The following LRPPRC variants were observed in gnomAD, a reference collection of about 807,000 sequenced individuals.
LRPPRC encodes the protein leucine-rich PPR motif-containing protein, mitochondrial.
In LRPPRC, 120 loss-of-function variants were observed where a neutral mutation model predicts 180.3. The observed-to-expected ratio is 0.67, with a 90% CI of 0.57 to 0.77. The LOEUF is 0.77. Ranked by LOEUF, LRPPRC falls within the 30% of genes least tolerant of loss-of-function variation. The pLI is 0.00. For missense variants in LRPPRC, 2,012 were observed against 1,657.2 expected (o/e 1.21, Z -3.72); for synonymous variants, 723 against 600.0 (o/e 1.21, Z -3.00).
At chr2:43,889,316 A>G (rs1223121981) in intron 37 of LRPPRC, among the ~76,000 whole-genome samples, 3 of 118,988 alleles carry the variant, frequency 2.5e-5, no homozygotes, top group Non-Finnish European at 5.8e-5. Flanking sequence ...CTCCATCTCA[A>G]AAAAAAAAAA....
chr2:43,941,289 T>C (rs1672471671), intron 23 of LRPPRC, among the ~76,000 whole-genome samples: 1 of 152,220 alleles, frequency 6.6e-6, no homozygotes, highest in African/African-American at 2.4e-5. Flanking sequence ...AGGAACTCAG[T>C]CTCATGGAAC....
intron 1 of LRPPRC, among the ~76,000 whole-genome samples, chr2:43,982,853 T>C (rs545688516): frequency 6.6e-6 from 1 of 152,066 alleles, no homozygotes; most frequent in Non-Finnish European, 1.5e-5. Flanking sequence ...AAAATTTTTA[T>C]AACTACCTTT....
chr2:43,973,585 T>C (rs769684455), intron 11 of LRPPRC, 22 bp downstream of exon 11: 4 of 1,517,652 alleles, frequency 2.6e-6, no homozygotes, highest in African/African-American at 1.4e-5. Context: ...CCATTACAAA[T>C]CGGTAAAAGG....
At chr2:43,959,631 G>A (rs1447880860) in intron 13 of LRPPRC, among the ~76,000 whole-genome samples, 4 of 152,268 alleles carry the variant, frequency 2.6e-5, no homozygotes, top group East Asian at 1.9e-4. Flanking sequence ...CAGGCCAGGC[G>A]CAGTGGCTCA....
chr2:43,923,177 T>TAAAA lies in LRPPRC; in HGVS notation c.2896+1886_2896+1889dup, dbSNP rs9309110. Among the ~76,000 whole-genome samples the TAAAA allele has an allele frequency of 4.9e-3, 638 of 130,542 alleles. 6 individuals are homozygous for TAAAA. Among genetic ancestry groups the TAAAA allele is most frequent in the African/African-American group, 0.018 (620 of 34,696 alleles). 85.6% of individuals were successfully genotyped at this position (130,542 alleles called of 152,430 possible). ...AATGTTGTATATTTTTTTGTTTCTT[T>TAAAA]AAAAAAAAAAAAAAAAAAAGGCCAG... On this transcript the variant is annotated intron_variant, in intron 27 of 37. Transcript: ENST00000260665.
Position 43,974,308 on chromosome 2 carries a change from C to CA in LRPPRC, c.1010-14dup. 6.3e-7 allele frequency: 1 copy of CA among 1,596,804 alleles called. No individual in the cohort carries two copies. Among genetic ancestry groups the CA allele is most frequent in the South Asian group, 1.1e-5 (1 of 90,674 alleles). The stretch of plus-strand genomic sequence containing the variant: ...AGGTTCATTGCATCTGGGAAGAAAA[C>CA]AAAGACATCTTTTGTTAATAAACTG... On this transcript the variant is annotated splice_polypyrimidine_tract_variant and intron_variant, in intron 8 of 37. Coordinates refer to ENST00000260665, the MANE Select transcript of LRPPRC (RefSeq NM_133259.4).
chr2:43,957,335 G>A (rs771884246), intron 14 of LRPPRC, 50 bp downstream of exon 14: 15 of 1,221,462 alleles, frequency 1.2e-5, no homozygotes, highest in Admixed American at 6.7e-5. Context: ...AAAAGGACAG[G>A]AGAAATCAGT....
At chr2:43,995,746 C>T (rs1420117258) in intron 1 of LRPPRC, 53 bp downstream of exon 1, 1 of 1,344,626 alleles carries the variant, frequency 7.4e-7, no homozygotes, top group Non-Finnish European at 9.5e-7. Context: ...CACCCACGAC[C>T]CCGGGGGACC....
At chr2:43,960,762 A>T (rs2103662274) in intron 12 of LRPPRC, 128 bp from the exon 13 acceptor site, 1 of 694,812 alleles carries the variant, frequency 1.4e-6, no homozygotes, top group African/African-American at 1.8e-5. Flanking sequence ...AGATAAGCTC[A>T]GTAATTGAAT....
Position 43,886,337 on chromosome 2 carries a change from ATC to A in LRPPRC, c.*2261_*2262del, listed in dbSNP as rs1670270368. Among the ~76,000 whole-genome samples the A allele has an allele frequency of 6.6e-6, 1 of 152,210 alleles. No individual in the cohort carries two copies. Among genetic ancestry groups the A allele is most frequent in the African/African-American group, 2.4e-5 (1 of 41,446 alleles). ...ATAGTTCTCAATAGTTTACAGTGAC[ATC>A]TTTTTTAGAATTAGCTGCTTATAAT... On this transcript the variant is annotated 3_prime_UTR_variant, in exon 38 of 38. Transcript: ENST00000260665.
chr2:43,900,255 G>A (rs1408529848), intron 32 of LRPPRC, among the ~76,000 whole-genome samples: 3 of 151,742 alleles, frequency 2.0e-5, no homozygotes, highest in Non-Finnish European at 4.4e-5. Flanking sequence ...AGCAAGTTAT[G>A]GTAAAAATTA....
At chr2:43,966,805 CT>C in intron 11 of LRPPRC, among the ~76,000 whole-genome samples, 1 of 151,360 alleles carries the variant, frequency 6.6e-6, no homozygotes, top group South Asian at 2.1e-4. Context: ...AATCCCAGCA[CT>C]TTGGGAGGCC....
chr2:43,913,386 C>T (rs1216116473), intron 29 of LRPPRC, among the ~76,000 whole-genome samples: 1 of 152,106 alleles, frequency 6.6e-6, no homozygotes, highest in Non-Finnish European at 1.5e-5. Context: ...TCACGTACGG[C>T]CTTCTACGAA....
chr2:43,996,165 T>C (rs1365340966), upstream of LRPPRC, among the ~76,000 whole-genome samples: 1 of 152,216 alleles, frequency 6.6e-6, no homozygotes, highest in East Asian at 1.9e-4. Flanking sequence ...TGATTCATTA[T>C]CGAAGCTTTT....
At chr2:43,930,812 G>C (rs1326154533) in intron 25 of LRPPRC, among the ~76,000 whole-genome samples, 1 of 152,042 alleles carries the variant, frequency 6.6e-6, no homozygotes, top group African/African-American at 2.4e-5. Flanking sequence ...TAAAACTCAG[G>C]GTTCGTGAGT....
At chr2:43,901,136 A>AT (rs1670867990) in intron 32 of LRPPRC, among the ~76,000 whole-genome samples, 184 bp downstream of exon 32, 1 of 152,218 alleles carries the variant, frequency 6.6e-6, no homozygotes, top group South Asian at 2.1e-4. Flanking sequence ...TTATTCTAAG[A>AT]TTTAAGGTAA....
At chr2:43,994,106 A>T (rs1360876827) in intron 1 of LRPPRC, among the ~76,000 whole-genome samples, 1 of 152,182 alleles carries the variant, frequency 6.6e-6, no homozygotes, top group Non-Finnish European at 1.5e-5. Flanking sequence ...CTGGCCTCAC[A>T]GAAATGCTGA....
chr2:43,935,888 G>A lies in LRPPRC; in HGVS notation c.2505-1010C>T, dbSNP rs951890540. On this transcript the variant is annotated intron_variant, in intron 23 of 37. Coordinates refer to ENST00000260665, the MANE Select transcript of LRPPRC (RefSeq NM_133259.4). ...AGCACTTTGGGAGGCCAAGGAGGGC[G>A]GATCACCTGAGGTGGAGAAACCCCA... Among the ~76,000 whole-genome samples, 7 of 151,886 alleles carry A rather than the reference G, an allele frequency of 4.6e-5. No homozygotes were observed. In the South Asian group the frequency reaches 8.3e-4, roughly 18 times the overall value.
chr2:43,892,101 C>G (rs183023016), intron 36 of LRPPRC, among the ~76,000 whole-genome samples: 3 of 152,282 alleles, frequency 2.0e-5, no homozygotes, highest in Admixed American at 2.0e-4. Context: ...CTCCATGACA[C>G]GAAAGTCCAA....
Sources: allele counts gnomAD v4.1 joint callset (sites outside exome capture counted in the v4.1 genomes callset), GRCh38; gene constraint gnomAD v4.1.1; transcripts MANE v1.5; gene names NCBI Gene and HGNC (gene_info 2026-07-23, HGNC 2026-07-21).